The following MCC variants were observed in gnomAD, a reference collection of about 807,000 sequenced individuals.
The protein encoded by MCC is MCC regulator of Wnt signaling pathway, also known as colorectal mutant cancer protein.
In MCC, 90 loss-of-function variants were observed where a neutral mutation model predicts 116.2. That is an observed-to-expected ratio of 0.77 (90% CI 0.65 to 0.92). The LOEUF is 0.92. MCC is among the 40% of genes least tolerant of loss of function. The pLI is 0.00. For missense variants in MCC, 1,516 were observed against 1,312.2 expected, an observed-to-expected ratio of 1.16 and a Z score of -2.40; for synonymous variants, 578 against 510.5, an observed-to-expected ratio of 1.13 and a Z score of -1.78.
chr5:113,250,948 G>A (rs921080129), intron 3 of MCC, among the ~76,000 whole-genome samples: 1 of 152,168 alleles, frequency 6.6e-6, no homozygotes, highest in Non-Finnish European at 1.5e-5. Context: ...TGTCTTGCCT[G>A]ACAAGGTTCT....
rs1055854239 is a variant in MCC, at chr5:113,033,248, C to A, written c.2757-4192G>T. On this transcript the variant is annotated intron_variant, in intron 17 of 18. Transcript: ENST00000408903. ...GCAGTTTAACAAGGGCCCCAGCTGA[C>A]TCTTGTCATCAGGCAAGCTTGAGGG... Among the ~76,000 whole-genome samples, 4 of 152,234 alleles carry A rather than the reference C, an allele frequency of 2.6e-5. No individual in the cohort carries two copies. In the East Asian group the frequency reaches 7.7e-4, roughly 29 times the overall value.
intron 17 of MCC, among the ~76,000 whole-genome samples, chr5:113,042,579 C>T (rs1269276552): frequency 2.0e-5 from 3 of 148,526 alleles, no homozygotes; most frequent in Non-Finnish European, 4.5e-5. Flanking sequence ...AATAACTCAA[C>T]ATATAGGTCA....
chr5:113,362,395 A>T (rs1385125328), intron 2 of MCC, among the ~76,000 whole-genome samples: 1 of 152,204 alleles, frequency 6.6e-6, no homozygotes, highest in Non-Finnish European at 1.5e-5. Context: ...AAACTTTATG[A>T]ATGTTCCATA....
intron 3 of MCC, among the ~76,000 whole-genome samples, chr5:113,194,912 G>A (rs1320559265): frequency 6.6e-6 from 1 of 152,142 alleles, no homozygotes; most frequent in Non-Finnish European, 1.5e-5. Flanking sequence ...AAGAGAACAT[G>A]GCCCCCACAG....
intron 3 of MCC, among the ~76,000 whole-genome samples, chr5:113,156,077 T>C (rs975819372): frequency 6.6e-6 from 1 of 152,222 alleles, no homozygotes; most frequent in Non-Finnish European, 1.5e-5. Flanking sequence ...GCTGAGACTC[T>C]AGGGAGCAGA....
chr5:113,102,140 C>T (rs1756459051), intron 7 of MCC, among the ~76,000 whole-genome samples, 195 bp from the exon 8 acceptor site: 1 of 152,174 alleles, frequency 6.6e-6, no homozygotes, highest in African/African-American at 2.4e-5. Flanking sequence ...TGTCACTTGC[C>T]TGGGGTACAG....
At chr5:113,431,762 A>AGG (rs1770652190) in intron 1 of MCC, among the ~76,000 whole-genome samples, 1 of 11,982 alleles carries the variant, frequency 8.3e-5, no homozygotes. Context: ...TTGGGAGGCC[A>AGG]AGGGGGGGGG....
intron 3 of MCC, among the ~76,000 whole-genome samples, chr5:113,218,709 T>C (rs1763423329): frequency 6.6e-6 from 1 of 152,234 alleles, no homozygotes; most frequent in Non-Finnish European, 1.5e-5. Flanking sequence ...ATAAATATCC[T>C]CTCAGGCATT....
At chr5:113,248,533 G>T (rs1489447210) in intron 3 of MCC, among the ~76,000 whole-genome samples, 1 of 152,068 alleles carries the variant, frequency 6.6e-6, no homozygotes, top group African/African-American at 2.4e-5. Flanking sequence ...CTGGCCCCAG[G>T]CATTTTAGAT....
intron 5 of MCC, among the ~76,000 whole-genome samples, chr5:113,126,194 A>T (rs192357997): frequency 1.1e-3 from 169 of 152,332 alleles, no homozygotes; most frequent in African/African-American, 3.8e-3. Flanking sequence ...CTCCTAGCTT[A>T]AACAACAACA....
At chr5:113,247,024 T>C (rs1190005912) in intron 3 of MCC, among the ~76,000 whole-genome samples, 4 of 152,230 alleles carry the variant, frequency 2.6e-5, no homozygotes, top group African/African-American at 9.6e-5. Flanking sequence ...GTTCGGTCCA[T>C]TTCAGAGTCT....
chr5:113,175,325 A>G (rs546338399), intron 3 of MCC, among the ~76,000 whole-genome samples: 1 of 152,366 alleles, frequency 6.6e-6, no homozygotes, highest in Non-Finnish European at 1.5e-5. Flanking sequence ...TTAAAGCTGG[A>G]AAGAGGTACT....
intron 1 of MCC, among the ~76,000 whole-genome samples, chr5:113,462,722 T>C (rs1361802348): frequency 1.3e-5 from 2 of 152,222 alleles, no homozygotes; most frequent in African/African-American, 4.8e-5. Flanking sequence ...AAGCCAATTA[T>C]GCAAAAAAGG....
At chr5:113,224,277 G>A (rs1213963349) in intron 3 of MCC, among the ~76,000 whole-genome samples, 1 of 152,116 alleles carries the variant, frequency 6.6e-6, no homozygotes, top group East Asian at 1.9e-4. Context: ...GTTTTTAGTA[G>A]AGATGGGGTT....
chr5:113,468,415 C>T (rs1038570216), intron 1 of MCC, among the ~76,000 whole-genome samples: 8 of 152,148 alleles, frequency 5.3e-5, no homozygotes, highest in Admixed American at 5.2e-4. Flanking sequence ...TTGTCAAAGG[C>T]CTTTTCTGCA....
Position 113,085,197 on chromosome 5 carries a change from T to G in MCC, c.1512A>C (p.Thr504=). The part of the protein sequence containing the change: ...PINPSTGELS[T]SSSSNDIPIA... ...TGGGAATGTCATTGCTGCTGCTGCT[T>G]GTGCTCAGCTCCCCAGTGCTGGGGT... is the stretch of plus-strand genomic sequence containing the variant. Residue 504 remains threonine (T), a synonymous_variant, in exon 9 of 19, where the codon ACA becomes ACC. Coordinates refer to ENST00000408903, the MANE Select transcript of MCC (RefSeq NM_001085377.2). 1 of 1,614,176 alleles carries G rather than the reference T, an allele frequency of 6.2e-7. No individual in the cohort carries two copies. Among genetic ancestry groups the G allele is most frequent in the Non-Finnish European group, 8.5e-7 (1 of 1,180,022 alleles).
At chr5:113,479,400 T>C (rs1772314061) in intron 1 of MCC, among the ~76,000 whole-genome samples, 2 of 152,134 alleles carry the variant, frequency 1.3e-5, no homozygotes, top group South Asian at 4.1e-4. Flanking sequence ...GTTAAAGGGG[T>C]ATATAAATTT....
intron 17 of MCC, among the ~76,000 whole-genome samples, chr5:113,035,762 G>A (rs368723221): frequency 6.6e-6 from 1 of 151,994 alleles, no homozygotes; most frequent in Non-Finnish European, 1.5e-5. Context: ...ACATCACCAC[G>A]CCTTACCATT....
chr5:113,068,611 GCTTA>G (rs761940089), intron 12 of MCC, among the ~76,000 whole-genome samples: 5 of 152,164 alleles, frequency 3.3e-5, no homozygotes, highest in African/African-American at 1.2e-4. Context: ...TCCAAAATTA[GCTTA>G]CTAAAAAACC....
Sources: gnomAD v4.1 joint callset for allele counts (sites outside exome capture counted in the v4.1 genomes callset) on GRCh38, gnomAD v4.1.1 for gene constraint, MANE v1.5 for transcripts, NCBI Gene and HGNC (gene_info 2026-07-23, HGNC 2026-07-21) for gene names.